DYNC2H1: variants seen among roughly 807,000 people sequenced by gnomAD.
The protein encoded by DYNC2H1 is dynein cytoplasmic 2 heavy chain 1, also known as cytoplasmic dynein 2 heavy chain 1.
DYNC2H1 carries 410 observed loss-of-function variants against 570.0 expected under a neutral mutation model. The ratio of observed to expected loss-of-function variants is 0.72; its 90% CI spans 0.66 to 0.78. The LOEUF (loss-of-function observed/expected upper bound fraction) is 0.78, where lower values mean the gene tolerates loss of function less well. DYNC2H1 is among the 30% of genes least tolerant of loss of function. DYNC2H1 has a pLI of 0.00. For missense variants in DYNC2H1, 4,865 were observed against 5,046.4 expected (o/e 0.96, Z 1.09); for synonymous variants, 1,688 against 1,677.6 (o/e 1.01, Z -0.15).
rs558890306 is a variant in DYNC2H1 at position 103,298,173 on chromosome 11, A to G, written c.11096-4920A>G. ...AGATCTTATCTCCTAACCACTCTTG[A>G]CCCTTGCTCAGTTCTTTACCAACGT... On this transcript the variant is annotated intron_variant, in intron 75 of 88. Transcript: ENST00000375735. Among the ~76,000 whole-genome samples, 6 of 152,058 alleles carry G rather than the reference A, an allele frequency of 3.9e-5. No individual in the cohort carries two copies. The South Asian group carries it at 1.2e-3, about 32-fold the overall frequency.
rs193075266 is a variant in DYNC2H1, at chr11:103,297,851, C to T, written c.11096-5242C>T. ...CCTAATACAAGCTATCATCAGCTCT[C>T]AATTACTGCCATACCTTTTATTTGT... On this transcript the variant is annotated intron_variant, in intron 75 of 88. Coordinates refer to ENST00000375735, the MANE Select transcript of DYNC2H1 (RefSeq NM_001377.3). Among the ~76,000 whole-genome samples, 94 of 152,224 alleles carry T rather than the reference C, an allele frequency of 6.2e-4. 1 individual carries two copies. The East Asian group carries it at 0.012, about 20-fold the overall frequency.
intron 28 of DYNC2H1, 64 bp downstream of exon 28, chr11:103,159,091 T>A: frequency 7.6e-7 from 1 of 1,322,274 alleles, no homozygotes; most frequent in Non-Finnish European, 1.1e-6. Context: ...GGCCTAATAT[T>A]ATGCTCTTAG....
intron 5 of DYNC2H1, 57 bp from the exon 6 acceptor site, chr11:103,117,574 A>C: frequency 7.5e-7 from 1 of 1,325,512 alleles, no homozygotes; most frequent in Non-Finnish European, 1.0e-6. Context: ...GTATTTTATA[A>C]TTTTTCTATA....
In DYNC2H1 at chr11:103,143,295, A is replaced by G. The variant is rs753963855; in HGVS notation, c.2602A>G (p.Met868Val). ...KEWIVIGQVD[M>V]EALVEKHLFT... ...ATGGATTGTAATTGGGCAAGTTGAT[A>G]TGGAAGCTCTGGTGGAAAAGCATCT... The change falls in exon 18 of 89, where the codon ATG (methionine) becomes GTG (valine). Residue 868 changes from methionine (M) to valine (V), a missense_variant. By Grantham distance (21) the Met-to-Val change is conservative. Around this residue, in one of 5 missense-constraint regions of DYNC2H1, gnomAD observed 1,936 missense variants for 1,962.1 expected, o/e 0.99. Coordinates refer to ENST00000375735, the MANE Select transcript of DYNC2H1 (RefSeq NM_001377.3). 5 of 1,613,402 alleles carry G rather than the reference A, an allele frequency of 3.1e-6. No homozygotes were observed. The highest frequency in any genetic ancestry group is 2.2e-5 in the East Asian group (1 of 44,822).
intron 79 of DYNC2H1, 149 bp downstream of exon 79, chr11:103,312,182 A>C (rs1198447772): frequency 1.0e-5 from 7 of 690,374 alleles, no homozygotes. Context: ...GGAGTTTGAG[A>C]CCAGCCTGAC....
intron 69 of DYNC2H1, among the ~76,000 whole-genome samples, chr11:103,259,549 A>G (rs988771366): frequency 6.6e-6 from 1 of 152,118 alleles, no homozygotes; most frequent in Non-Finnish European, 1.5e-5. Context: ...CTGGATTGAT[A>G]ATTATAATAT....
intron 79 of DYNC2H1, among the ~76,000 whole-genome samples, chr11:103,313,724 G>T (rs1402303472): frequency 6.6e-6 from 1 of 152,170 alleles, no homozygotes; most frequent in African/African-American, 2.4e-5. Flanking sequence ...GGCATCAAAT[G>T]AAATAGTGTA....
intron 47 of DYNC2H1, among the ~76,000 whole-genome samples, chr11:103,193,910 T>TA (rs1862416267): frequency 6.6e-6 from 1 of 152,152 alleles, no homozygotes; most frequent in South Asian, 2.1e-4. Flanking sequence ...GATTTTCACA[T>TA]ATTGAAAGAT....
At chr11:103,210,124 T>C (rs1863093560) in intron 53 of DYNC2H1, among the ~76,000 whole-genome samples, 164 bp downstream of exon 53, 1 of 151,990 alleles carries the variant, frequency 6.6e-6, no homozygotes, top group African/African-American at 2.4e-5. Context: ...AAGCCCTTTT[T>C]ATTTTTAAAT....
chr11:103,142,496 A>G (rs1272237806), intron 17 of DYNC2H1, among the ~76,000 whole-genome samples: 1 of 152,026 alleles, frequency 6.6e-6, no homozygotes, highest in Non-Finnish European at 1.5e-5. Context: ...ATGGCGAAAC[A>G]TCATCTTTAT....
At chr11:103,307,282 A>T (rs1026075395) in intron 77 of DYNC2H1, among the ~76,000 whole-genome samples, 1 of 152,152 alleles carries the variant, frequency 6.6e-6, no homozygotes, top group Non-Finnish European at 1.5e-5. Flanking sequence ...AACTCTGTAG[A>T]AGCATGAATT....
chr11:103,409,101 A>T (rs1412250152), intron 84 of DYNC2H1, among the ~76,000 whole-genome samples: 1 of 152,074 alleles, frequency 6.6e-6, no homozygotes, highest in Non-Finnish European at 1.5e-5. Flanking sequence ...CACTGGGGAC[A>T]TGTCTAATAC....
At position 103,243,292 on chromosome 11, in the gene DYNC2H1, GATAGATA is replaced by G. The variant is rs1864489206; in HGVS notation, c.9820-400_9820-394del. On this transcript the variant is annotated intron_variant, in intron 63 of 88. Coordinates refer to ENST00000375735, the MANE Select transcript of DYNC2H1 (RefSeq NM_001377.3). The surrounding 1 kb of genome is among the most constrained non-coding windows in gnomAD (Gnocchi z 4.8). ...AGATAGATAGATAGATAGATAGATA[GATAGATA>G]GATAGATAAATAGAGAATAATTTGA... Among the ~76,000 whole-genome samples the G allele has an allele frequency of 1.4e-5, 2 of 144,076 alleles. No individual in the cohort carries two copies. The highest frequency in any genetic ancestry group is 5.2e-5 in the African/African-American group (2 of 38,374). 94.5% of individuals were successfully genotyped at this position (144,076 alleles called of 152,430 possible).
rs185651613 is a variant in DYNC2H1, at chr11:103,120,985, T to G, written c.1309T>G (p.Leu437Val). Residue 437 changes from leucine (L) to valine (V), a missense_variant, in exon 9 of 89, where the codon TTG becomes GTG. Coordinates refer to ENST00000375735, the MANE Select transcript of DYNC2H1 (RefSeq NM_001377.3). ...LVKRPTISKELMLERETLLAR... is the reference protein window; with the variant it reads ...LVKRPTISKEVMLERETLLAR... ...AAAGCGTCCAACTATAAGCAAAGAA[T>G]TGATGTTAGAAAGAGAAACTTTACT... The G allele has an allele frequency of 2.7e-5, 43 of 1,590,906 alleles. No individual in the cohort carries two copies. In the Admixed American group the frequency reaches 7.4e-4, roughly 27 times the overall value.
intron 31 of DYNC2H1, among the ~76,000 whole-genome samples, chr11:103,168,105 C>A (rs138057950): frequency 6.6e-6 from 1 of 152,230 alleles, no homozygotes; most frequent in African/African-American, 2.4e-5. Context: ...GGTTCATGTA[C>A]TTTATTTTCT....
rs935310219 is a variant in DYNC2H1, at chr11:103,243,670, A to T, written c.9820-23A>T. 5 of 1,501,436 alleles carry T rather than the reference A, an allele frequency of 3.3e-6. No homozygotes were observed. Among genetic ancestry groups the T allele is most frequent in the African/African-American group, 2.8e-5 (2 of 71,876 alleles). The allele number at this position is 1,501,436 out of a possible 1,614,324, so 93.0% of individuals were successfully genotyped here. On this transcript the variant is annotated intron_variant, in intron 63 of 88. Transcript: ENST00000375735. The surrounding 1 kb of genome is among the most constrained non-coding windows in gnomAD (Gnocchi z 4.8). ...AAGCTTATAATCATTAAAAAACATT[A>T]CTTTTCCTTTTTTTTATACTAGAGT...
intron 61 of DYNC2H1, among the ~76,000 whole-genome samples, chr11:103,234,941 C>G (rs1166377175): frequency 6.6e-6 from 1 of 151,800 alleles, no homozygotes; most frequent in African/African-American, 2.4e-5. Flanking sequence ...TTAGACTCTT[C>G]CCTGTTTACT....
rs775630937 is a variant in DYNC2H1 at position 103,283,069 on chromosome 11, C to T, written c.10874C>T (p.Ala3625Val). ...PSWIDQERSWAVATLKIALPS... is the reference protein window; with the variant it reads ...PSWIDQERSWVVATLKIALPS... ...TGGATAGATCAGGAACGAAGCTGGG[C>T]CGTGGCAACATTAAAGGTATTCCTT... Residue 3625 changes from alanine (A) to valine (V), a missense_variant, in exon 73 of 89, where the codon GCC becomes GTC. By Grantham distance (64) the Ala-to-Val change is moderately conservative (BLOSUM62 0). Coordinates refer to ENST00000375735, the MANE Select transcript of DYNC2H1 (RefSeq NM_001377.3). 3 of 1,606,726 alleles carry T rather than the reference C, an allele frequency of 1.9e-6. No individual in the cohort carries two copies. The Admixed American group carries it at 5.0e-5, about 27-fold the overall frequency.
At chr11:103,425,337 A>C (rs1943628945) in intron 84 of DYNC2H1, among the ~76,000 whole-genome samples, 1 of 152,144 alleles carries the variant, frequency 6.6e-6, no homozygotes, top group Non-Finnish European at 1.5e-5. Flanking sequence ...TGAGAAATCT[A>C]AGATCGGGTG....
Sources: gnomAD v4.1 joint callset for allele counts (sites outside exome capture counted in the v4.1 genomes callset) on GRCh38, gnomAD v4.1.1 for gene constraint, gnomAD v4.1.1 regional missense constraint, Gnocchi (gnomAD v3.1) non-coding constraint, MANE v1.5 for transcripts, NCBI Gene and HGNC (gene_info 2026-07-23, HGNC 2026-07-21) for gene names.